The following MAP3K7CL variants were observed in gnomAD, a reference collection of about 807,000 sequenced individuals.
MAP3K7CL encodes MAP3K7 C-terminal like.
A neutral mutation model predicts 18.6 loss-of-function variants in MAP3K7CL; 16 were observed. The observed-to-expected ratio is 0.86, with a 90% CI of 0.58 to 1.31. The LOEUF (loss-of-function observed/expected upper bound fraction) is 1.31. MAP3K7CL is among the 50% of genes most tolerant of loss of function. The probability of loss-of-function intolerance (pLI) is 0.00; values close to 1 mark genes in which losing one functional copy is unlikely to be tolerated. For missense variants in MAP3K7CL, 163 were observed against 174.4 expected (o/e 0.93, Z 0.37); for synonymous variants, 65 against 66.8 (o/e 0.97, Z 0.13).
At chr21:29,091,463 T>C in intron 1 of MAP3K7CL, 1 of 653,182 alleles carries the variant, frequency 1.5e-6, no homozygotes, top group East Asian at 2.7e-5. Context: ...GAGTGTACAT[T>C]TTCTTTTCTT....
chr21:29,162,598 G>A (rs983556869), intron 4 of MAP3K7CL, among the ~76,000 whole-genome samples: 4 of 151,196 alleles, frequency 2.6e-5, no homozygotes, highest in Admixed American at 1.3e-4. Flanking sequence ...CAGGAGAATC[G>A]CTTGAACCCA....
chr21:29,147,959 T>C (rs2087177542), intron 2 of MAP3K7CL, among the ~76,000 whole-genome samples: 1 of 151,894 alleles, frequency 6.6e-6, no homozygotes, highest in African/African-American at 2.4e-5. Flanking sequence ...CTATTATATA[T>C]TATATATGTT....
upstream of MAP3K7CL, among the ~76,000 whole-genome samples, chr21:29,126,172 G>C (rs1200734225): frequency 6.6e-6 from 1 of 152,216 alleles, no homozygotes; most frequent in Non-Finnish European, 1.5e-5. Context: ...CTGTCCACTG[G>C]ATGTTCAGTC....
In MAP3K7CL at chr21:29,086,702, A is replaced by C. The variant is rs59973180; in HGVS notation, c.57+785A>C. On this transcript the variant is annotated intron_variant, in intron 1 of 6. Coordinates refer to the MAP3K7CL transcript ENST00000286791. ...GTAACGAGAATCTGGCCAGGTGGTG[A>C]TTGGCAATAGACTCCTATCCTCTGC... is the stretch of plus-strand genomic sequence containing the variant. Among the ~76,000 whole-genome samples, 797 of 152,312 alleles carry C rather than the reference A, an allele frequency of 5.2e-3. 4 individuals carry two copies. The highest frequency in any genetic ancestry group is 0.018 in the African/African-American group (767 of 41,574).
At position 29,172,837 on chromosome 21, in the gene MAP3K7CL, C is replaced by T. The variant is rs1363766755; in HGVS notation, c.249-1875C>T. Among the ~76,000 whole-genome samples the T allele has an allele frequency of 9.7e-5, 12 of 123,990 alleles. No homozygotes were observed. The South Asian group carries it at 3.5e-3, about 36-fold the overall frequency. 81.3% of individuals were successfully genotyped at this position (123,990 alleles called of 152,430 possible). On this transcript the variant is annotated intron_variant, in intron 4 of 4. Coordinates refer to ENST00000399928, the MANE Select transcript of MAP3K7CL (RefSeq NM_001286620.2). ...ACAGGTTGTGTTTTGATGAGCAACC[C>T]CCCCCTCCCCCCGCCCCTTGTTCCC...
intron 4 of MAP3K7CL, chr21:29,092,680 G>T (rs2086050431): frequency 1.4e-6 from 2 of 1,391,922 alleles, no homozygotes; most frequent in Non-Finnish European, 2.0e-6. Flanking sequence ...ACCTCATTCT[G>T]CAGGGATCTG....
At chr21:29,099,234 G>C (rs1231208842) in intron 4 of MAP3K7CL, among the ~76,000 whole-genome samples, 1 of 146,268 alleles carries the variant, frequency 6.8e-6, no homozygotes, top group Non-Finnish European at 1.5e-5. Context: ...GGGACTACAT[G>C]TGTACACCAC....
chr21:29,147,611 C>T (rs1031006387), intron 2 of MAP3K7CL, among the ~76,000 whole-genome samples: 15 of 150,080 alleles, frequency 1.0e-4, no homozygotes, highest in Non-Finnish European at 2.1e-4. Flanking sequence ...TATATGTGTA[C>T]TGTATATGTA....
intron 4 of MAP3K7CL, among the ~76,000 whole-genome samples, chr21:29,106,036 G>T (rs1232442012): frequency 6.6e-6 from 1 of 152,024 alleles, no homozygotes; most frequent in Non-Finnish European, 1.5e-5. Flanking sequence ...TCATCTGTAG[G>T]CTCACACTAA....
chr21:29,151,600 C>T (rs2087277175), intron 3 of MAP3K7CL, among the ~76,000 whole-genome samples: 1 of 152,144 alleles, frequency 6.6e-6, no homozygotes, highest in Non-Finnish European at 1.5e-5. Flanking sequence ...ATTTTATTAT[C>T]ACGGAAATCA....
At chr21:29,090,445 A>G (rs1319963863) in intron 1 of MAP3K7CL, among the ~76,000 whole-genome samples, 6 of 152,072 alleles carry the variant, frequency 3.9e-5, no homozygotes, top group Non-Finnish European at 7.4e-5. Flanking sequence ...CAGTGGTGCA[A>G]TCTCAGCTCA....
At chr21:29,149,079 T>A (rs2087208894) in intron 2 of MAP3K7CL, 110 bp from the exon 3 acceptor site, 2 of 891,066 alleles carry the variant, frequency 2.2e-6, no homozygotes, top group South Asian at 2.8e-5. Flanking sequence ...CCAACTGAAG[T>A]GATGAAATGA....
At chr21:29,088,240 A>G (rs1444972554) in intron 1 of MAP3K7CL, among the ~76,000 whole-genome samples, 2 of 152,304 alleles carry the variant, frequency 1.3e-5, no homozygotes, top group Middle Eastern at 3.4e-3. Flanking sequence ...ATAGGCACAC[A>G]ATTTAGGCTG....
chr21:29,120,186 T>G (rs2086568899), intron 4 of MAP3K7CL, among the ~76,000 whole-genome samples: 2 of 150,550 alleles, frequency 1.3e-5, no homozygotes, highest in African/African-American at 4.9e-5. Context: ...GGAATTTTCT[T>G]TTTTTTTTTG....
chr21:29,147,928 G>A (rs1268754116), intron 2 of MAP3K7CL, among the ~76,000 whole-genome samples: 1 of 148,870 alleles, frequency 6.7e-6, no homozygotes, highest in African/African-American at 2.5e-5. Flanking sequence ...TGTGTACTGT[G>A]TATGTATCTG....
At chr21:29,099,132 C>G (rs1004102977) in intron 4 of MAP3K7CL, among the ~76,000 whole-genome samples, 1 of 151,990 alleles carries the variant, frequency 6.6e-6, no homozygotes, top group African/African-American at 2.4e-5. Flanking sequence ...GCTCTTTCCC[C>G]CAGGCTGGAG....
At chr21:29,128,593 C>T (rs150728455), upstream of MAP3K7CL, among the ~76,000 whole-genome samples, 100 of 152,268 alleles carry the variant, frequency 6.6e-4, no homozygotes, top group East Asian at 6.0e-3. Flanking sequence ...TGAGCCACCG[C>T]GCCCGGCCAA....
At chr21:29,090,386 T>C (rs1568928548) in intron 1 of MAP3K7CL, among the ~76,000 whole-genome samples, 1 of 151,986 alleles carries the variant, frequency 6.6e-6, no homozygotes, top group Admixed American at 6.6e-5. Flanking sequence ...TTTTGTTTTG[T>C]TGTTTTTTTT....
chr21:29,128,703 T>C (rs2086724465), upstream of MAP3K7CL, among the ~76,000 whole-genome samples: 1 of 152,198 alleles, frequency 6.6e-6, no homozygotes, highest in South Asian at 2.1e-4. Flanking sequence ...TCTATTATGG[T>C]CATTCATCCT....
Sources: allele counts gnomAD v4.1 joint callset (sites outside exome capture counted in the v4.1 genomes callset), GRCh38; gene constraint gnomAD v4.1.1; transcripts MANE v1.5; gene names NCBI Gene and HGNC (gene_info 2026-07-23, HGNC 2026-07-21).